The following ZSCAN5B variants were observed in gnomAD, a reference collection of about 807,000 sequenced individuals.
The protein encoded by ZSCAN5B is zinc finger and SCAN domain containing 5B, also known as zinc finger and SCAN domain-containing protein 5B.
In ZSCAN5B, 26 loss-of-function variants were observed where a neutral mutation model predicts 25.2. The observed-to-expected ratio is 1.03, with a 90% CI of 0.76 to 1.43. The LOEUF is 1.43. Among genes scored for constraint, ZSCAN5B ranks in the 40% most tolerant of loss-of-function variants. The pLI, the probability that ZSCAN5B is intolerant of heterozygous loss-of-function variation, is 0.00. For missense variants in ZSCAN5B, 745 were observed against 622.1 expected (o/e 1.20, Z -2.10); for synonymous variants, 244 against 240.9 (o/e 1.01, Z -0.12).
chr19:56,192,992 C>G (rs1439316661), exon 2 of ZSCAN5B: 1 of 1,605,708 alleles, frequency 6.2e-7, no homozygotes, highest in South Asian at 1.1e-5. Flanking sequence ...CGTGGAGTGT[C>G]TGACCCAGGG....
At chr19:56,195,606 T>A (rs1874423401) in intron 1 of ZSCAN5B, among the ~76,000 whole-genome samples, 1 of 151,928 alleles carries the variant, frequency 6.6e-6, no homozygotes, top group African/African-American at 2.4e-5. Flanking sequence ...AACAACTGCA[T>A]GAGCCGGCAA....
exon 1 of ZSCAN5B, chr19:56,197,807 T>A (rs1972782): frequency 0.25 from 243,199 of 971,858 alleles, 13,125 homozygotes; most frequent in Middle Eastern, 0.37. Flanking sequence ...CTGAACTGCG[T>A]CTATTTATGG....
chr19:56,191,377 A>G (rs1308235991), intron 3 of ZSCAN5B, among the ~76,000 whole-genome samples: 1 of 152,116 alleles, frequency 6.6e-6, no homozygotes, highest in Admixed American at 6.5e-5. Context: ...TCTAGATGCT[A>G]TCAACACCCC....
intron 1 of ZSCAN5B, among the ~76,000 whole-genome samples, chr19:56,194,879 A>G (rs567246605): frequency 2.4e-4 from 37 of 152,330 alleles, no homozygotes; most frequent in Middle Eastern, 3.4e-3. Context: ...CTAGGATTAT[A>G]GGCGTGAGCC....
chr19:56,190,131 G>A, exon 5 of ZSCAN5B: 1 of 1,613,966 alleles, frequency 6.2e-7, no homozygotes, highest in Non-Finnish European at 8.5e-7. Context: ...GAGGTCTGAG[G>A]GCTGCAAGAA....
chr19:56,189,854 T>G (rs1190060063), exon 5 of ZSCAN5B: 12 of 1,612,332 alleles, frequency 7.4e-6, no homozygotes, highest in Non-Finnish European at 1.0e-5. Flanking sequence ...CCCGGTGTGT[T>G]TTCAGGTGAC....
intron 1 of ZSCAN5B, among the ~76,000 whole-genome samples, chr19:56,193,611 C>T (rs2032768978): frequency 6.6e-6 from 1 of 152,206 alleles, no homozygotes; most frequent in African/African-American, 2.4e-5. Context: ...GTCCCCAACA[C>T]ATTTTTCCTG....
intron 1 of ZSCAN5B, among the ~76,000 whole-genome samples, chr19:56,195,548 A>C (rs2032799333): frequency 6.6e-6 from 1 of 151,486 alleles, no homozygotes. Context: ...AAATTAGAGC[A>C]GCCGATATGG....
At chr19:56,190,075 C>A in exon 5 of ZSCAN5B, 1 of 1,614,028 alleles carries the variant, frequency 6.2e-7, no homozygotes, top group South Asian at 1.1e-5. Flanking sequence ...TGGCAGACGT[C>A]ACACATGTAG....
At chr19:56,191,871 G>C (rs571234303) in exon 3 of ZSCAN5B, 39 of 1,613,846 alleles carry the variant, frequency 2.4e-5, no homozygotes, top group Non-Finnish European at 3.1e-5. Context: ...ACAGTGCAGC[G>C]ACCCTGGGCA....
rs139794340 is a variant in ZSCAN5B, at chr19:56,192,972, C to A, written c.81G>T (p.Ala27=). 1,140 of 1,607,692 alleles carry A rather than the reference C, an allele frequency of 7.1e-4. 1 individual carries two copies. The highest frequency in any genetic ancestry group is 4.6e-3 in the South Asian group (417 of 90,042). ...GATTTCCAAGTTGAGTTTCTGGGGA[C>A]GCCACAGACCGTGGAGTGTCTGACC... The change falls in exon 2 of 5, where the codon GCG becomes GCT. Residue 27 remains alanine, a synonymous_variant. Coordinates refer to ENST00000586855, the Ensembl canonical transcript of ZSCAN5B.
At chr19:56,194,909 T>A (rs1044210174) in intron 1 of ZSCAN5B, among the ~76,000 whole-genome samples, 2 of 152,104 alleles carry the variant, frequency 1.3e-5, no homozygotes, top group Non-Finnish European at 2.9e-5. Flanking sequence ...AGCCCAATTT[T>A]TTTTTCTTTT....
At chr19:56,190,804 C>A (rs1555787084) in intron 4 of ZSCAN5B, 33 bp downstream of exon 4, 2 of 1,607,442 alleles carry the variant, frequency 1.2e-6, no homozygotes, top group South Asian at 2.2e-5. Flanking sequence ...AAGAGAGGGA[C>A]TAACCCCTGT....
intron 1 of ZSCAN5B, among the ~76,000 whole-genome samples, chr19:56,196,339 AC>A (rs904534685): frequency 4.6e-4 from 70 of 152,202 alleles, no homozygotes; most frequent in African/African-American, 1.7e-3. Flanking sequence ...GGTGTGAGCC[AC>A]CGCACCTGGC....
At chr19:56,193,102 C>T (rs1325014908) in exon 2 of ZSCAN5B, 1 of 1,477,934 alleles carries the variant, frequency 6.8e-7, no homozygotes, top group Admixed American at 2.4e-5. Context: ...CTTCCAGTAG[C>T]CAGTATCAAA....
intron 1 of ZSCAN5B, among the ~76,000 whole-genome samples, chr19:56,196,512 T>C (rs1165402271): frequency 2.0e-5 from 3 of 152,188 alleles, no homozygotes; most frequent in Non-Finnish European, 2.9e-5. Context: ...AGGTAGAGCC[T>C]ATGGCAGTTT....
At chr19:56,194,031 T>C (rs1282715680) in intron 1 of ZSCAN5B, among the ~76,000 whole-genome samples, 3 of 151,972 alleles carry the variant, frequency 2.0e-5, no homozygotes, top group Non-Finnish European at 2.9e-5. Context: ...AAAACACACA[T>C]TTATGAAATT....
chr19:56,190,306 G>C, exon 5 of ZSCAN5B: 1 of 1,614,168 alleles, frequency 6.2e-7, no homozygotes, highest in Non-Finnish European at 8.5e-7. Flanking sequence ...GGGCCCGCAG[G>C]GCCTGGGGAA....
intron 1 of ZSCAN5B, among the ~76,000 whole-genome samples, chr19:56,194,485 G>A (rs2032781476): frequency 1.3e-5 from 2 of 152,106 alleles, no homozygotes; most frequent in Admixed American, 6.5e-5. Flanking sequence ...TAATAGAGAT[G>A]GGGTTTCGCC....
Sources: allele counts gnomAD v4.1 joint callset (sites outside exome capture counted in the v4.1 genomes callset), GRCh38; gene constraint gnomAD v4.1.1; transcripts MANE v1.5; gene names NCBI Gene and HGNC (gene_info 2026-07-23, HGNC 2026-07-21).